The following COL15A1 variants were observed in gnomAD, a reference collection of about 807,000 sequenced individuals.
COL15A1 encodes the protein collagen alpha-1(XV) chain.
In COL15A1, 111 loss-of-function variants were observed where a neutral mutation model predicts 165.9. The ratio of observed to expected loss-of-function variants is 0.67; its 90% CI spans 0.57 to 0.78. The LOEUF (loss-of-function observed/expected upper bound fraction) is 0.78. Ranked by LOEUF, COL15A1 falls within the 30% of genes least tolerant of loss-of-function variation. COL15A1 has a pLI of 0.00. For synonymous variants in COL15A1, 659 were observed against 674.8 expected (o/e 0.98, Z 0.36); for missense variants, 1,745 against 1,789.7 (o/e 0.98, Z 0.45).
intron 2 of COL15A1, among the ~76,000 whole-genome samples, chr9:98,978,455 G>C (rs1438194203): frequency 6.6e-6 from 1 of 152,196 alleles, no homozygotes; most frequent in Non-Finnish European, 1.5e-5. Context: ...TCCCCCTCCT[G>C]TTCCCAGCAG....
At chr9:98,950,561 T>A (rs1452404306) in intron 2 of COL15A1, among the ~76,000 whole-genome samples, 1 of 88,364 alleles carries the variant, frequency 1.1e-5, no homozygotes, top group Non-Finnish European at 2.3e-5. Context: ...CCTTCCTTCC[T>A]TCCTTCCTTC....
chr9:99,047,521 C>T (rs1186383554), intron 26 of COL15A1, among the ~76,000 whole-genome samples: 4 of 152,122 alleles, frequency 2.6e-5, no homozygotes, highest in African/African-American at 4.8e-5. Flanking sequence ...ACCCTGACTG[C>T]GAGGGGCTGG....
chr9:99,009,595 A>G (rs1010349311), intron 9 of COL15A1, among the ~76,000 whole-genome samples: 4 of 152,236 alleles, frequency 2.6e-5, no homozygotes, highest in Non-Finnish European at 5.9e-5. Flanking sequence ...TGTCAAATAT[A>G]AAAAGTATAA....
intron 11 of COL15A1, 150 bp from the exon 12 acceptor site, chr9:99,020,239 T>G: frequency 1.6e-6 from 1 of 640,968 alleles, no homozygotes; most frequent in Admixed American, 2.5e-5. Context: ...AGGCAGCCTC[T>G]CTCTTCATGG....
At chr9:99,040,223 C>T (rs113401350) in intron 22 of COL15A1, among the ~76,000 whole-genome samples, 1 of 152,222 alleles carries the variant, frequency 6.6e-6, no homozygotes, top group Admixed American at 6.5e-5. Context: ...AAGCAAAACA[C>T]AGAGAGACTA....
At chr9:99,061,916 T>C in intron 36 of COL15A1, 55 bp from the exon 37 acceptor site, 11 of 1,570,034 alleles carry the variant, frequency 7.0e-6, no homozygotes, top group Non-Finnish European at 9.5e-6. Flanking sequence ...GGTTATCAGA[T>C]GGTGCCATTC....
intron 6 of COL15A1, among the ~76,000 whole-genome samples, chr9:98,998,980 C>T (rs1346095109): frequency 6.6e-6 from 1 of 152,216 alleles, no homozygotes; most frequent in Non-Finnish European, 1.5e-5. Context: ...AAGGGGCCAC[C>T]CCACCTCCTT....
chr9:99,037,423 A>G (rs1194111371), intron 21 of COL15A1, among the ~76,000 whole-genome samples: 1 of 152,184 alleles, frequency 6.6e-6, no homozygotes, highest in African/African-American at 2.4e-5. Context: ...CTCTGTGGGT[A>G]TAAAGATAAG....
rs1283207141 is a variant in COL15A1 at position 99,000,877 on chromosome 9, C to T, written c.991C>T (p.His331Tyr). Residue 331 changes from histidine (H) to tyrosine (Y), a missense_variant, in exon 7 of 42, where the codon CAT becomes TAT. By Grantham distance (83) the His-to-Tyr change is moderately conservative. Coordinates refer to ENST00000375001, the MANE Select transcript of COL15A1 (RefSeq NM_001855.5). ...CCTGAATGACACACTGGAGGGGGTT[C>T]ATTCTGTGGATGGTGACCCCATTAC... ...EILNDTLEGV[H>Y]SVDGDPITDS... 3 of 1,603,152 alleles carry T rather than the reference C, an allele frequency of 1.9e-6. No homozygotes were observed. The highest frequency in any genetic ancestry group is 2.7e-5 in the African/African-American group (2 of 74,650).
intron 22 of COL15A1, 56 bp from the exon 23 acceptor site, chr9:99,040,464 GC>G: frequency 1.2e-6 from 2 of 1,613,924 alleles, no homozygotes; most frequent in Non-Finnish European, 1.7e-6. Context: ...AGGGGGTCCT[GC>G]TGACTCTGGA....
chr9:98,992,348 G>C (rs1442807927), intron 5 of COL15A1, among the ~76,000 whole-genome samples: 1 of 152,252 alleles, frequency 6.6e-6, no homozygotes. Flanking sequence ...GCTGGCCTGG[G>C]TGCTAAGCCC....
intron 23 of COL15A1, chr9:99,040,831 T>C (rs1251906303): frequency 2.0e-6 from 1 of 488,424 alleles, no homozygotes; most frequent in East Asian, 3.5e-5. Flanking sequence ...TTTTCTGAAC[T>C]TTTTACATTT....
At chr9:99,010,924 G>C (rs180725278) in intron 9 of COL15A1, among the ~76,000 whole-genome samples, 2 of 152,292 alleles carry the variant, frequency 1.3e-5, no homozygotes, top group African/African-American at 4.8e-5. Context: ...TGCGACTGCT[G>C]TTCTCTATGG....
chr9:98,955,703 A>G (rs890073971), intron 2 of COL15A1, among the ~76,000 whole-genome samples: 1 of 152,380 alleles, frequency 6.6e-6, no homozygotes, highest in East Asian at 1.9e-4. Context: ...TTTTTCTGGC[A>G]TAGGAAAGTT....
Position 99,068,642 on chromosome 9 carries a change from G to A in COL15A1, c.3925G>A (p.Gly1309Ser), listed in dbSNP as rs756397707. 5 of 1,562,548 alleles carry A rather than the reference G, an allele frequency of 3.2e-6. No homozygotes were observed. In the Admixed American group the frequency reaches 1.1e-4, roughly 33 times the overall value. ...GCATATTCCAATATACTCCTTTGAT[G>A]GTCGAGACATAATGACAGATCCTTC... ...NMHIPIYSFD[G>S]RDIMTDPSWP... The change falls in exon 41 of 42, where the codon GGT becomes AGT. Residue 1309 changes from glycine to serine, a missense_variant. Transcript: ENST00000375001.
Position 99,015,410 on chromosome 9 carries a change from A to G in COL15A1, c.1354-7A>G. The G allele has an allele frequency of 6.2e-7, 1 of 1,604,730 alleles. No individual in the cohort carries two copies. Among genetic ancestry groups the G allele is most frequent in the Non-Finnish European group, 8.5e-7 (1 of 1,172,784 alleles). The stretch of plus-strand genomic sequence containing the variant: ...GGGCACAGCTCCTCATGCCAATTTC[A>G]TTTCAGGGTCCAAGCAGTGAAGACA... On this transcript the variant is annotated splice_polypyrimidine_tract_variant and splice_region_variant and intron_variant, in intron 9 of 41. Transcript: ENST00000375001.
intron 2 of COL15A1, among the ~76,000 whole-genome samples, chr9:98,946,128 A>G (rs56119010): frequency 0.3 from 46,324 of 152,130 alleles, 7,422 homozygotes; most frequent in Non-Finnish European, 0.37. Context: ...TATCCCTAAT[A>G]CTTATAAAAC....
Position 99,070,211 on chromosome 9 carries a change from ATCC to A in COL15A1, c.*330_*332del. Reference sequence around the variant, plus strand: ...GCCACTGCATCCTTCAGACAGTTATATCCTCCTTTTAAACCATTGTTGTTGAGT... The same window carrying A: ...GCCACTGCATCCTTCAGACAGTTATATCCTTTTAAACCATTGTTGTTGAGT... On this transcript the variant is annotated 3_prime_UTR_variant, in exon 42 of 42. Coordinates refer to ENST00000375001, the MANE Select transcript of COL15A1 (RefSeq NM_001855.5). The A allele has an allele frequency of 3.6e-6, 1 of 275,054 alleles. No homozygotes were observed. Among genetic ancestry groups the A allele is most frequent in the Non-Finnish European group, 7.0e-6 (1 of 143,770 alleles). The allele number at this position is 275,054 out of a possible 1,614,324, so 17.0% of individuals were successfully genotyped here.
intron 32 of COL15A1, 83 bp downstream of exon 32, chr9:99,054,739 A>G: frequency 7.0e-7 from 1 of 1,437,218 alleles, no homozygotes; most frequent in Admixed American, 2.4e-5. Flanking sequence ...ACCTAGCCAG[A>G]GGGTAAGACT....
Sources: allele counts gnomAD v4.1 joint callset (sites outside exome capture counted in the v4.1 genomes callset), GRCh38; gene constraint gnomAD v4.1.1; transcripts MANE v1.5; gene names NCBI Gene and HGNC (gene_info 2026-07-23, HGNC 2026-07-21).